Variants in ELP4 observed in about 807,000 individuals in gnomAD.
ELP4 encodes the protein elongator complex protein 4.
In ELP4, 51 loss-of-function variants were observed where a neutral mutation model predicts 48.9. That is an observed-to-expected ratio of 1.04 (90% CI 0.83 to 1.32). The LOEUF (loss-of-function observed/expected upper bound fraction) is 1.32. Among genes scored for constraint, ELP4 ranks in the 40% most tolerant of loss-of-function variants. The probability of loss-of-function intolerance (pLI) is 0.00; values close to 1 mark genes in which losing one functional copy is unlikely to be tolerated. For synonymous variants in ELP4, 210 were observed against 189.2 expected (o/e 1.11, Z -0.90); for missense variants, 519 against 514.6 (o/e 1.01, Z -0.08).
intron 3 of ELP4, among the ~76,000 whole-genome samples, chr11:31,589,493 C>T (rs994919744): frequency 6.6e-6 from 1 of 151,926 alleles, no homozygotes; most frequent in Non-Finnish European, 1.5e-5. Context: ...TTTTACTGTA[C>T]GATAAGTCTC....
At chr11:31,545,895 G>C (rs1161493327) in intron 3 of ELP4, among the ~76,000 whole-genome samples, 1 of 152,048 alleles carries the variant, frequency 6.6e-6, no homozygotes, top group African/African-American at 2.4e-5. Context: ...AGCTTCATAA[G>C]TGAAGGAGAA....
At chr11:31,711,467 A>G (rs1477079533) in intron 9 of ELP4, among the ~76,000 whole-genome samples, 2 of 152,194 alleles carry the variant, frequency 1.3e-5, no homozygotes, top group African/African-American at 4.8e-5. Context: ...GCACCAGTGA[A>G]CTAATAATTA....
In ELP4 at chr11:31,647,790, G is replaced by T; in HGVS notation, c.977G>T (p.Gly326Val). ...RVTTLSDVVV[G>V]LESFIGSERE... ...ACAACCTTGTCAGATGTAGTAGTTG[G>T]TCTGGAATCATTTATTGGTTCTGAG... is the stretch of plus-strand genomic sequence containing the variant. The change falls in exon 8 of 10, where the codon GGT becomes GTT. Residue 326 changes from glycine (G) to valine (V), a missense_variant. By Grantham distance (109) the Gly-to-Val change is moderately radical. Coordinates refer to ENST00000640961, the MANE Select transcript of ELP4 (RefSeq NM_019040.5). 6.2e-7 allele frequency: 1 copy of T among 1,609,832 alleles called. No individual in the cohort carries two copies. Among genetic ancestry groups the T allele is most frequent in the East Asian group, 2.2e-5 (1 of 44,732 alleles).
intron 9 of ELP4, among the ~76,000 whole-genome samples, chr11:31,778,888 A>G (rs1948306109): frequency 1.3e-5 from 2 of 152,082 alleles, no homozygotes; most frequent in Admixed American, 1.3e-4. Context: ...AAAGTTTTAA[A>G]GGTTTTTTTG....
At chr11:31,622,544 C>T (rs1944646852) in intron 5 of ELP4, among the ~76,000 whole-genome samples, 1 of 151,156 alleles carries the variant, frequency 6.6e-6, no homozygotes, top group Admixed American at 6.6e-5. Flanking sequence ...ACATCTGATT[C>T]TTTTTTTTAC....
At chr11:31,771,914 G>A (rs918059546) in intron 9 of ELP4, among the ~76,000 whole-genome samples, 7 of 151,938 alleles carry the variant, frequency 4.6e-5, no homozygotes, top group East Asian at 2.0e-4. Flanking sequence ...CCCAGGAGGC[G>A]GAGGTTGCAG....
At chr11:31,534,606 C>A (rs1565039723) in intron 2 of ELP4, among the ~76,000 whole-genome samples, 1 of 151,884 alleles carries the variant, frequency 6.6e-6, no homozygotes. Flanking sequence ...AAGTAGGATA[C>A]CAAATCCAGT....
intron 7 of ELP4, chr11:31,633,324 T>A (rs1268435718): frequency 6.6e-6 from 1 of 152,016 alleles, no homozygotes; most frequent in East Asian, 1.9e-4. Flanking sequence ...TGCAGTGCCT[T>A]ACACCTGTAA....
intron 9 of ELP4, 32 bp from the exon 10 acceptor site, chr11:31,783,360 CT>C (rs768972345): frequency 1.9e-6 from 3 of 1,588,410 alleles, no homozygotes; most frequent in East Asian, 2.2e-5. Flanking sequence ...CTTCTTTCTT[CT>C]TTTTTTCTTC....
rs550146516 is a variant in ELP4, at chr11:31,749,322, G to A, written c.1144-34071G>A. On this transcript the variant is annotated intron_variant, in intron 9 of 9. Coordinates refer to ENST00000640961, the MANE Select transcript of ELP4 (RefSeq NM_019040.5). ...GAAAACTCTAGTAAAAGTGGGGAAGGAAAGAGACACGTAAAAGTCCCTTTC... is the reference window on the plus strand; with the variant it reads ...GAAAACTCTAGTAAAAGTGGGGAAGAAAAGAGACACGTAAAAGTCCCTTTC... 5.3e-5 allele frequency among the ~76,000 whole-genome samples: 8 copies of A among 152,300 alleles called. No individual in the cohort carries two copies. In the South Asian group the frequency reaches 1.5e-3, roughly 28 times the overall value.
chr11:31,557,226 C>T (rs940905105), intron 3 of ELP4, among the ~76,000 whole-genome samples: 2 of 151,336 alleles, frequency 1.3e-5, no homozygotes, highest in Admixed American at 6.6e-5. Flanking sequence ...CTTAATAATT[C>T]GAAGGGTTTA....
chr11:31,695,900 G>C (rs140696566), intron 9 of ELP4, among the ~76,000 whole-genome samples: 3,097 of 151,720 alleles, frequency 0.02, 102 homozygotes, highest in African/African-American at 0.071. Context: ...TCTTGAGAGG[G>C]TGTATGTGTT....
intron 2 of ELP4, among the ~76,000 whole-genome samples, chr11:31,538,385 ATATTG>A (rs1956537957): frequency 6.7e-6 from 1 of 148,174 alleles, no homozygotes; most frequent in African/African-American, 2.4e-5. Context: ...CAATATAATT[ATATTG>A]TATTATGTAT....
chr11:31,738,626 C>T (rs561485659), intron 9 of ELP4, among the ~76,000 whole-genome samples: 4 of 151,542 alleles, frequency 2.6e-5, no homozygotes, highest in South Asian at 2.1e-4. Flanking sequence ...GTCTCAGCGC[C>T]GGGGGAGGTG....
At chr11:31,534,266 G>GGTGT (rs61054150) in intron 2 of ELP4, among the ~76,000 whole-genome samples, 23,685 of 148,096 alleles carry the variant, frequency 0.16, 2,290 homozygotes, top group African/African-American at 0.27. Context: ...GAGGTGGATT[G>GGTGT]GTGTGTGTGT....
At chr11:31,564,824 T>A (rs1175239446) in intron 3 of ELP4, among the ~76,000 whole-genome samples, 1 of 152,222 alleles carries the variant, frequency 6.6e-6, no homozygotes, top group East Asian at 1.9e-4. Context: ...TTGTGAATAG[T>A]GCCACAATAA....
At chr11:31,672,466 A>G (rs1448163103) in intron 9 of ELP4, among the ~76,000 whole-genome samples, 1 of 152,196 alleles carries the variant, frequency 6.6e-6, no homozygotes, top group African/African-American at 2.4e-5. Context: ...CTTTTTAGAT[A>G]TGATTTTTAT....
intron 3 of ELP4, among the ~76,000 whole-genome samples, chr11:31,543,470 C>A (rs1956628429): frequency 6.6e-6 from 1 of 152,092 alleles, no homozygotes; most frequent in African/African-American, 2.4e-5. Context: ...CAGGCACCCA[C>A]CACCATGTCC....
At chr11:31,772,170 T>C (rs1438844279) in intron 9 of ELP4, among the ~76,000 whole-genome samples, 1 of 148,314 alleles carries the variant, frequency 6.7e-6, no homozygotes, top group East Asian at 2.0e-4. Context: ...CCCAGGCTGG[T>C]GTACAGTGGC....
Sources: allele counts gnomAD v4.1 joint callset (sites outside exome capture counted in the v4.1 genomes callset), GRCh38; gene constraint gnomAD v4.1.1; transcripts MANE v1.5; gene names NCBI Gene and HGNC (gene_info 2026-07-23, HGNC 2026-07-21).